The following DMD variants were observed in gnomAD, a reference collection of about 807,000 sequenced individuals.
The protein encoded by DMD is mutant dystrophin.
In DMD, 63 loss-of-function variants were observed where a neutral mutation model predicts 330.1. The ratio of observed to expected loss-of-function variants is 0.19; its 90% confidence interval spans 0.16 to 0.24. The LOEUF is 0.24. DMD is among the 10% of genes least tolerant of loss of function. The probability of loss-of-function intolerance (pLI) is 1.00; values close to 1 mark genes in which losing one functional copy is unlikely to be tolerated. For synonymous variants in DMD, 1,223 were observed against 959.8 expected (o/e 1.27, Z -5.07); for missense variants, 3,344 against 2,684.1 (o/e 1.25, Z -5.43).
At chrX:32,121,324 G>A (rs1313395101) in intron 44 of DMD, among the ~76,000 whole-genome samples, 3 of 109,529 alleles carry the variant, frequency 2.7e-5, no homozygotes, top group Non-Finnish European at 5.7e-5. Flanking sequence ...AAAGCCAAAA[G>A]GGAGGGTTGA....
chrX:31,432,670 C>T (rs952222300), intron 60 of DMD, among the ~76,000 whole-genome samples: 2 of 111,473 alleles, frequency 1.8e-5, no homozygotes, highest in African/African-American at 6.5e-5. Context: ...ACATAGAGAG[C>T]AAATTTTGGG....
chrX:33,003,007 T>A (rs1242354764), intron 2 of DMD, among the ~76,000 whole-genome samples: 3 of 110,600 alleles, frequency 2.7e-5, no homozygotes, highest in Admixed American at 9.7e-5. Context: ...TTTTTTATTT[T>A]AATACTTTTG....
At chrX:33,000,064 A>G (rs5972728) in intron 2 of DMD, among the ~76,000 whole-genome samples, 4,563 of 112,184 alleles carry the variant, frequency 0.041, 133 homozygotes, top group East Asian at 0.2. Context: ...AACGAATTCC[A>G]TATCAGTTTA....
chrX:31,578,589 T>C (rs995842132), intron 55 of DMD, among the ~76,000 whole-genome samples: 2 of 111,985 alleles, frequency 1.8e-5, no homozygotes, highest in African/African-American at 6.5e-5. Flanking sequence ...TCCTGACATA[T>C]TGAATACCAA....
intron 61 of DMD, among the ~76,000 whole-genome samples, chrX:31,326,536 T>C (rs2056796432): frequency 9.2e-6 from 1 of 108,248 alleles, no homozygotes; most frequent in Non-Finnish European, 1.9e-5. Context: ...GCAACTGCTT[T>C]GCAGTCATTG....
intron 30 of DMD, among the ~76,000 whole-genome samples, chrX:32,406,780 T>C (rs2098119208): frequency 9.0e-6 from 1 of 111,303 alleles, no homozygotes; most frequent in Admixed American, 9.6e-5. Context: ...AACAGAGATA[T>C]AGATCAATGG....
intron 47 of DMD, among the ~76,000 whole-genome samples, chrX:31,884,204 C>T (rs889639331): frequency 1.8e-5 from 2 of 111,675 alleles, no homozygotes; most frequent in Non-Finnish European, 3.8e-5. Flanking sequence ...CTCATGTTTA[C>T]TGCGGCACTA....
At chrX:32,716,686 T>G (rs1477952093) in intron 7 of DMD, among the ~76,000 whole-genome samples, 1 of 110,565 alleles carries the variant, frequency 9.0e-6, no homozygotes, top group Non-Finnish European at 1.9e-5. Flanking sequence ...TGAGGGAAAG[T>G]TTGTAACTTC....
chrX:32,884,650 T>C (rs2149222459), intron 2 of DMD, among the ~76,000 whole-genome samples: 1 of 111,844 alleles, frequency 8.9e-6, no homozygotes, highest in East Asian at 2.8e-4. Flanking sequence ...TAAGCTATGC[T>C]CCACTCTACG....
chrX:31,507,982 A>C (rs1283557194), intron 55 of DMD, among the ~76,000 whole-genome samples: 1 of 111,885 alleles, frequency 8.9e-6, no homozygotes, highest in East Asian at 2.8e-4. Context: ...TGGGAGAGAA[A>C]ATCTTCTTGA....
At chrX:31,898,860 C>G (rs1021434927) in intron 47 of DMD, among the ~76,000 whole-genome samples, 1 of 111,734 alleles carries the variant, frequency 8.9e-6, no homozygotes, top group Non-Finnish European at 1.9e-5. Context: ...TTTTATGCAT[C>G]ATTTCTTCAG....
chrX:33,119,854 T>A (rs145333267), intron 1 of DMD, among the ~76,000 whole-genome samples: 3,272 of 111,447 alleles, frequency 0.029, 132 homozygotes, highest in African/African-American at 0.1. Flanking sequence ...AATATATGGA[T>A]GATATATGTC....
rs1487082543 is a variant in DMD, at chrX:33,070,225, A to G, written c.32-50025T>C. Reference sequence around the variant, plus strand: ...CAGATATGTTTAAGTGTATTTTTTTACGTAGTCACATGTATATATGATGTT... The same window carrying G: ...CAGATATGTTTAAGTGTATTTTTTTGCGTAGTCACATGTATATATGATGTT... On this transcript the variant is annotated intron_variant, in intron 1 of 78. Transcript: ENST00000357033. Among the ~76,000 whole-genome samples, 3 of 111,849 alleles carry G rather than the reference A, an allele frequency of 2.7e-5. No individual in the cohort carries two copies. In the East Asian group the frequency reaches 8.5e-4, roughly 32 times the overall value.
At chrX:32,168,116 G>T (rs1238128973) in intron 44 of DMD, among the ~76,000 whole-genome samples, 1 of 111,888 alleles carries the variant, frequency 8.9e-6, no homozygotes, top group Non-Finnish European at 1.9e-5. Flanking sequence ...AAAGGATGAG[G>T]ATATGAAGTA....
rs138806175 is a variant in DMD at position 32,292,690 on chromosome X, G to T, written c.6118-4989C>A. Among the ~76,000 whole-genome samples the T allele has an allele frequency of 8.9e-3, 995 of 111,686 alleles. 8 individuals carry two copies. The highest frequency in any genetic ancestry group is 0.031 in the African/African-American group (948 of 30,754). ...CTGATCGTACAGCTTTCCAGATGAC[G>T]GGCTCTGAAGAAAACTTCACAATCA... On this transcript the variant is annotated intron_variant, in intron 42 of 78. Transcript: ENST00000357033.
intron 44 of DMD, among the ~76,000 whole-genome samples, chrX:32,004,693 T>C (rs912204175): frequency 9.0e-6 from 1 of 111,607 alleles, no homozygotes; most frequent in African/African-American, 3.3e-5. Flanking sequence ...ATGTTTTTGT[T>C]GTTCTCTGAT....
At chrX:32,380,149 T>C (rs746721886) in intron 34 of DMD, among the ~76,000 whole-genome samples, 41 of 111,727 alleles carry the variant, frequency 3.7e-4, no homozygotes, top group African/African-American at 1.2e-3. Context: ...CTGTCTTCAA[T>C]CTCTGTGTCC....
intron 30 of DMD, among the ~76,000 whole-genome samples, chrX:32,398,669 G>A (rs779900483): frequency 2.5e-4 from 28 of 111,136 alleles, no homozygotes; most frequent in South Asian, 7.4e-4. Context: ...TAACGACAAC[G>A]ATAATAGAAG....
At chrX:31,263,209 C>T (rs930809435) in intron 62 of DMD, among the ~76,000 whole-genome samples, 4 of 112,213 alleles carry the variant, frequency 3.6e-5, no homozygotes, top group Non-Finnish European at 7.5e-5. Flanking sequence ...CAGGGAACCA[C>T]GGTGAAAAGC....
Sources: gnomAD v4.1 joint callset for allele counts (sites outside exome capture counted in the v4.1 genomes callset) on GRCh38, gnomAD v4.1.1 for gene constraint, MANE v1.5 for transcripts, NCBI Gene and HGNC (gene_info 2026-07-23, HGNC 2026-07-21) for gene names.